Variants in ST14 observed in about 807,000 individuals in gnomAD.
The protein encoded by ST14 is suppressor of tumorigenicity 14 protein.
ST14 carries 40 observed loss-of-function variants against 96.5 expected under a neutral mutation model. The observed-to-expected ratio is 0.41, with a 90% confidence interval of 0.32 to 0.54. The LOEUF (loss-of-function observed/expected upper bound fraction) is 0.54, where lower values mean the gene tolerates loss of function less well. ST14 is among the 20% of genes least tolerant of loss of function. The pLI, the probability that ST14 is intolerant of heterozygous loss-of-function variation, is 0.17. For synonymous variants in ST14, 506 were observed against 492.1 expected (o/e 1.03, Z -0.37); for missense variants, 1,066 against 1,188.9 (o/e 0.90, Z 1.52).
At chr11:130,164,576 G>A (rs1448790931) in intron 1 of ST14, among the ~76,000 whole-genome samples, 5 of 151,654 alleles carry the variant, frequency 3.3e-5, no homozygotes, top group Admixed American at 1.3e-4. Context: ...GCACCAGCAC[G>A]CCTGACTAAT....
At chr11:130,184,939 T>C (rs1005142004) in intron 1 of ST14, among the ~76,000 whole-genome samples, 4 of 152,310 alleles carry the variant, frequency 2.6e-5, no homozygotes, top group East Asian at 1.9e-4. Flanking sequence ...AGTCTAACCA[T>C]TGGGAGTGCC....
chr11:130,182,699 G>C (rs1392118787), intron 1 of ST14, among the ~76,000 whole-genome samples: 11 of 151,440 alleles, frequency 7.3e-5, no homozygotes, highest in Non-Finnish European at 1.6e-4. Context: ...GCCCAGGCTG[G>C]AGTGCAGTGG....
chr11:130,173,033 G>T (rs548544005), intron 1 of ST14, among the ~76,000 whole-genome samples: 1 of 152,172 alleles, frequency 6.6e-6, no homozygotes, highest in Non-Finnish European at 1.5e-5. Flanking sequence ...GCGTCACCAC[G>T]CGAGTGGTCA....
rs551563531 is a variant in ST14 at position 130,175,912 on chromosome 11, C to T, written c.82-12202C>T. Among the ~76,000 whole-genome samples the T allele has an allele frequency of 1.1e-3, 165 of 152,228 alleles. 1 individual carries two copies. The highest frequency in any genetic ancestry group is 3.9e-3 in the African/African-American group (162 of 41,528). On this transcript the variant is annotated intron_variant, in intron 1 of 18. Transcript: ENST00000278742. ...TCCTGACCTCAGGTGATCCACCTGC[C>T]TCAGCCTCCCAAAGTACTGAAATTA...
At chr11:130,161,222 G>A (rs1270239446) in intron 1 of ST14, among the ~76,000 whole-genome samples, 1 of 152,196 alleles carries the variant, frequency 6.6e-6, no homozygotes, top group Non-Finnish European at 1.5e-5. Flanking sequence ...TTCACCCTCA[G>A]CAAGGAGGAA....
Position 130,160,022 on chromosome 11 carries a change from G to A in ST14, c.43G>A (p.Asp15Asn). 7.0e-7 allele frequency: 1 copy of A among 1,431,648 alleles called. No individual in the cohort carries two copies. The highest frequency in any genetic ancestry group is 2.2e-4 in the Middle Eastern group (1 of 4,616). The allele number at this position is 1,431,648 out of a possible 1,614,324, so 88.7% of individuals were successfully genotyped here. Reference protein sequence around the residue: ...RARKGGGGPKDFGAGLKYNSR... With the variant: ...RARKGGGGPKNFGAGLKYNSR... ...CCGCAAGGGCGGAGGGGGCCCGAAG[G>A]ACTTCGGCGCGGGACTCAAGTACAA... Residue 15 changes from aspartate (D) to asparagine (N), a missense_variant, in exon 1 of 19, where the codon GAC becomes AAC. Coordinates refer to ENST00000278742, the MANE Select transcript of ST14 (RefSeq NM_021978.4).
chr11:130,178,394 A>ATGGCCACAGAGTCCTCTGGAGCAAC (rs1591881632), intron 1 of ST14, among the ~76,000 whole-genome samples: 1 of 152,188 alleles, frequency 6.6e-6, no homozygotes, highest in African/African-American at 2.4e-5. Context: ...TGCTCTTTTT[A>ATGGCCACAGAGTCCTCTGGAGCAAC]AGATGAAGTC....
Position 130,188,033 on chromosome 11 carries a change from A to G in ST14, c.82-81A>G, listed in dbSNP as rs1214368335. 20 of 1,573,192 alleles carry G rather than the reference A, an allele frequency of 1.3e-5. No individual in the cohort carries two copies. Among genetic ancestry groups the G allele is most frequent in the South Asian group, 2.3e-5 (2 of 86,654 alleles). ...CTTTCTTCTCCAAGCTGGACCTCAC[A>G]AAATGTGAACATCTTCCCCAGCGGG... On this transcript the variant is annotated intron_variant, in intron 1 of 18. Coordinates refer to ENST00000278742, the MANE Select transcript of ST14 (RefSeq NM_021978.4). This position sits in a 1 kb window ranked among gnomAD's most constrained non-coding sequence, Gnocchi z 5.4.
chr11:130,164,076 G>A (rs1409989935), intron 1 of ST14, among the ~76,000 whole-genome samples: 2 of 152,174 alleles, frequency 1.3e-5, no homozygotes, highest in Non-Finnish European at 2.9e-5. Context: ...CTGGTCTGTG[G>A]TTCTGCCAAG....
Position 130,188,813 on chromosome 11 carries a change from C to T in ST14, c.370-56C>T. The T allele has an allele frequency of 6.2e-7, 1 of 1,604,460 alleles. No individual in the cohort carries two copies. The highest frequency in any genetic ancestry group is 1.1e-5 in the South Asian group (1 of 90,240). On this transcript the variant is annotated intron_variant, in intron 3 of 18. Transcript: ENST00000278742. This position sits in a 1 kb window ranked among gnomAD's most constrained non-coding sequence, Gnocchi z 5.4. ...CCTGGAGGGGAGGGAGCAGCCCGGGCTTGGGGCAGGGTCATCGCCGCATGG... is the reference window on the plus strand; with the variant it reads ...CCTGGAGGGGAGGGAGCAGCCCGGGTTTGGGGCAGGGTCATCGCCGCATGG...
At chr11:130,203,002 G>T (rs1221987518) in intron 16 of ST14, among the ~76,000 whole-genome samples, 1 of 152,236 alleles carries the variant, frequency 6.6e-6, no homozygotes, top group African/African-American at 2.4e-5. Flanking sequence ...TCTCTCAGCT[G>T]CTGGTAGACG....
chr11:130,177,563 C>CA (rs1364689442), intron 1 of ST14, among the ~76,000 whole-genome samples: 17 of 151,558 alleles, frequency 1.1e-4, no homozygotes, highest in African/African-American at 4.1e-4. Context: ...AACTCCGTCT[C>CA]AAAAACAAAA....
rs549185504 is a variant in ST14, at chr11:130,159,888, G to T, written c.-92G>T. 4.0e-6 allele frequency: 3 copies of T among 752,258 alleles called. No individual in the cohort carries two copies. The highest frequency in any genetic ancestry group is 9.7e-5 in the Admixed American group (2 of 20,716). The allele number at this position is 752,258 out of a possible 1,614,324, so 46.6% of individuals were successfully genotyped here. A position where few individuals can be genotyped will look rare whatever the true frequency, so the allele number is the denominator to read the frequency against. On this transcript the variant is annotated 5_prime_UTR_variant, in exon 1 of 19. Coordinates refer to ENST00000278742, the MANE Select transcript of ST14 (RefSeq NM_021978.4). ...CGCTGGGCCTGCCCGGAATCCCGCCGCCTGCGCCCCGCGCCCCGCGCCCTG... is the reference window on the plus strand; with the variant it reads ...CGCTGGGCCTGCCCGGAATCCCGCCTCCTGCGCCCCGCGCCCCGCGCCCTG...
intron 1 of ST14, among the ~76,000 whole-genome samples, chr11:130,172,726 C>G (rs1394270990): frequency 6.6e-6 from 1 of 152,100 alleles, no homozygotes; most frequent in African/African-American, 2.4e-5. Context: ...CATTGCTGTC[C>G]TCTTCCTATG....
chr11:130,194,384 G>T, intron 8 of ST14, 96 bp downstream of exon 8: 1 of 1,540,420 alleles, frequency 6.5e-7, no homozygotes. Flanking sequence ...CCACAGGCTA[G>T]ACCCTGTGGT....
At chr11:130,174,311 A>G (rs1217524022) in intron 1 of ST14, among the ~76,000 whole-genome samples, 1 of 152,220 alleles carries the variant, frequency 6.6e-6, no homozygotes, top group Non-Finnish European at 1.5e-5. Flanking sequence ...AGGTGTCTTC[A>G]AGAAATATCA....
At chr11:130,207,146 C>T (rs1258084492) in intron 16 of ST14, among the ~76,000 whole-genome samples, 1 of 152,136 alleles carries the variant, frequency 6.6e-6, no homozygotes, top group African/African-American at 2.4e-5. Context: ...GCCCCAGATC[C>T]GAAATCAGCT....
In ST14 at chr11:130,189,849, G is replaced by A. The variant is rs752858724; in HGVS notation, c.551G>A (p.Arg184Gln). The A allele has an allele frequency of 3.2e-5, 52 of 1,613,776 alleles. No individual in the cohort carries two copies. In the Middle Eastern group the frequency reaches 1.0e-3, roughly 31 times the overall value. Residue 184 changes from arginine (R) to glutamine (Q), a missense_variant, in exon 5 of 19, where the codon CGG becomes CAG. Arg to Gln is a conservative substitution (Grantham distance 43). Coordinates refer to ENST00000278742, the MANE Select transcript of ST14 (RefSeq NM_021978.4). ...GAGCGCGTAGTCATGCTGCCCCCGC[G>A]GGCGCGCTCCCTGAAGTCCTTTGTG... ...AEERVVMLPP[R>Q]ARSLKSFVVT...
chr11:130,204,761 C>T (rs1042588897), intron 16 of ST14, among the ~76,000 whole-genome samples: 1 of 152,014 alleles, frequency 6.6e-6, no homozygotes. Flanking sequence ...TTGTGGTGAG[C>T]CAAGATCATG....
Sources: allele counts gnomAD v4.1 joint callset (sites outside exome capture counted in the v4.1 genomes callset), GRCh38; gene constraint gnomAD v4.1.1; non-coding constraint Gnocchi (gnomAD v3.1); transcripts MANE v1.5; gene names NCBI Gene and HGNC (gene_info 2026-07-23, HGNC 2026-07-21).